The following ATXN1 variants were observed in gnomAD, a reference collection of about 807,000 sequenced individuals.
The protein encoded by ATXN1 is ataxin 1.
ATXN1 carries 8 observed loss-of-function variants against 56.4 expected under a neutral mutation model. The ratio of observed to expected loss-of-function variants is 0.14; its 90% CI spans 0.08 to 0.26. The LOEUF is 0.26. Among genes scored for constraint, ATXN1 ranks in the 10% least tolerant of loss-of-function variants. The pLI is 1.00. For missense variants in ATXN1, 987 were observed against 1,106.5 expected, an observed-to-expected ratio of 0.89 and a Z score of 1.53; for synonymous variants, 514 against 494.6, an observed-to-expected ratio of 1.04 and a Z score of -0.52.
At chr6:16,574,563 T>C (rs2113753874) in intron 4 of ATXN1, among the ~76,000 whole-genome samples, 1 of 152,320 alleles carries the variant, frequency 6.6e-6, no homozygotes, top group East Asian at 1.9e-4. Context: ...CAGTCTGGTC[T>C]CGATCTCCTG....
At chr6:16,547,024 G>A (rs535874408) in intron 4 of ATXN1, among the ~76,000 whole-genome samples, 3 of 152,194 alleles carry the variant, frequency 2.0e-5, no homozygotes, top group Admixed American at 6.5e-5. Flanking sequence ...TTCAGAGAAA[G>A]AACAGGCAAG....
At chr6:16,318,780 C>A (rs1760575253) in intron 7 of ATXN1, among the ~76,000 whole-genome samples, 1 of 152,198 alleles carries the variant, frequency 6.6e-6, no homozygotes, top group South Asian at 2.1e-4. Context: ...GCTCACAGAG[C>A]TCCCTTGTGG....
intron 6 of ATXN1, among the ~76,000 whole-genome samples, chr6:16,383,832 T>C (rs767575164): frequency 1.3e-5 from 2 of 152,208 alleles, no homozygotes; most frequent in African/African-American, 2.4e-5. Context: ...GAAAAGGTCA[T>C]GAATGTAGTG....
chr6:16,667,921 G>A (rs1220493468), intron 2 of ATXN1, among the ~76,000 whole-genome samples: 1 of 152,064 alleles, frequency 6.6e-6, no homozygotes, highest in African/African-American at 2.4e-5. Flanking sequence ...TATAACCACT[G>A]CAGCTCACTC....
chr6:16,636,822 C>T (rs1483554561), intron 3 of ATXN1, among the ~76,000 whole-genome samples: 3 of 152,068 alleles, frequency 2.0e-5, no homozygotes, highest in Admixed American at 1.3e-4. Flanking sequence ...CACCTAACGA[C>T]GGCCTGGGAA....
At chr6:16,581,226 C>CGCGTGTGTGTGTGTGT (rs1561765357) in intron 4 of ATXN1, among the ~76,000 whole-genome samples, 1 of 127,860 alleles carries the variant, frequency 7.8e-6, no homozygotes, top group Non-Finnish European at 1.6e-5. Context: ...TGTGTGTGTG[C>CGCGTGTGTGTGTGTGT]GCGCGTGTGT....
chr6:16,453,819 A>G (rs1393441058), intron 6 of ATXN1, among the ~76,000 whole-genome samples: 2 of 152,204 alleles, frequency 1.3e-5, no homozygotes, highest in Non-Finnish European at 2.9e-5. Flanking sequence ...AGGATTAAGT[A>G]ACATGCTTGA....
chr6:16,515,762 T>C (rs556681576), intron 5 of ATXN1, among the ~76,000 whole-genome samples: 1 of 152,270 alleles, frequency 6.6e-6, no homozygotes, highest in East Asian at 1.9e-4. Context: ...AGCTGAATTG[T>C]GGTCTGTTCA....
At position 16,628,419 on chromosome 6, in the gene ATXN1, T is replaced by C. The variant is rs567317160; in HGVS notation, c.-489+29357A>G. On this transcript the variant is annotated intron_variant, in intron 3 of 7. Coordinates refer to ENST00000436367, the MANE Select transcript of ATXN1 (RefSeq NM_001128164.2). ...GAATACTAATTAGCAAAACCATATT[T>C]CACACACAAACAAATGCATTAGGAT... Among the ~76,000 whole-genome samples the C allele has an allele frequency of 1.4e-3, 211 of 152,348 alleles. 1 individual carries two copies. Among genetic ancestry groups the C allele is most frequent in the Non-Finnish European group, 1.5e-3 (103 of 68,034 alleles).
intron 2 of ATXN1, among the ~76,000 whole-genome samples, chr6:16,695,470 G>A (rs1011590400): frequency 6.6e-6 from 1 of 152,152 alleles, no homozygotes; most frequent in Admixed American, 6.5e-5. Flanking sequence ...AGAAGCTGAA[G>A]ATGAACAGGT....
At chr6:16,737,570 T>G (rs1479045285) in intron 2 of ATXN1, 2 of 152,216 alleles carry the variant, frequency 1.3e-5, no homozygotes, top group Non-Finnish European at 2.9e-5. Flanking sequence ...CTAATCTCAT[T>G]AGCAGGAGAA....
intron 6 of ATXN1, chr6:16,485,433 G>A (rs1760525575): frequency 6.6e-6 from 1 of 152,150 alleles, no homozygotes; most frequent in Non-Finnish European, 1.5e-5. Context: ...CAGTAAATCA[G>A]CTCATTTTAA....
At chr6:16,736,223 T>A (rs1037465757) in intron 2 of ATXN1, among the ~76,000 whole-genome samples, 16 of 152,216 alleles carry the variant, frequency 1.1e-4, no homozygotes, top group African/African-American at 3.9e-4. Context: ...ATTATCAAAG[T>A]ATTAAGAATA....
chr6:16,716,038 T>C (rs991817421), intron 2 of ATXN1, among the ~76,000 whole-genome samples: 67 of 152,142 alleles, frequency 4.4e-4, no homozygotes, highest in Admixed American at 3.3e-4. Flanking sequence ...TATGGAGCCA[T>C]TCCTGACAAC....
intron 4 of ATXN1, among the ~76,000 whole-genome samples, chr6:16,556,217 G>GA (rs147713104): frequency 6.6e-6 from 1 of 151,982 alleles, no homozygotes; most frequent in Non-Finnish European, 1.5e-5. Context: ...ATATTTTGGG[G>GA]AAAAAAACTA....
chr6:16,327,055 C>T lies in ATXN1; in HGVS notation c.1256G>A (p.Gly419Glu), dbSNP rs1296389938. Reference sequence around the variant, plus strand: ...CGCGTAGGACCGGTGGCCAGGCTTCCCTAAATGCAGGCCACTTTTGTCGTT... The same window carrying T: ...CGCGTAGGACCGGTGGCCAGGCTTCTCTAAATGCAGGCCACTTTTGTCGTT... ...TLNDKSGLHL[G>E]KPGHRSYALS... The change falls in exon 7 of 8, where the codon GGG becomes GAG. Residue 419 changes from glycine (G) to glutamate (E), a missense_variant. Gly to Glu is a moderately conservative substitution (Grantham distance 98). Transcript: ENST00000436367. The T allele has an allele frequency of 1.2e-6, 2 of 1,613,978 alleles. No homozygotes were observed. Among genetic ancestry groups the T allele is most frequent in the South Asian group, 1.1e-5 (1 of 91,080 alleles).
intron 5 of ATXN1, among the ~76,000 whole-genome samples, chr6:16,521,776 A>G (rs1382606936): frequency 2.0e-5 from 3 of 152,214 alleles, no homozygotes; most frequent in East Asian, 3.9e-4. Context: ...GTCTCAGCAC[A>G]TGACAACGTG....
chr6:16,619,830 C>T (rs985615943), intron 3 of ATXN1, among the ~76,000 whole-genome samples: 6 of 151,430 alleles, frequency 4.0e-5, no homozygotes, highest in Non-Finnish European at 7.4e-5. Context: ...ATCGCTTGAG[C>T]CCAGGAGTTG....
At chr6:16,467,429 T>TTA (rs1285546514) in intron 6 of ATXN1, among the ~76,000 whole-genome samples, 1 of 152,218 alleles carries the variant, frequency 6.6e-6, no homozygotes, top group African/African-American at 2.4e-5. Flanking sequence ...GTGTCAGGTT[T>TTA]TACTGTTTGG....
Sources: allele counts gnomAD v4.1 joint callset (sites outside exome capture counted in the v4.1 genomes callset), GRCh38; gene constraint gnomAD v4.1.1; transcripts MANE v1.5; gene names NCBI Gene and HGNC (gene_info 2026-07-23, HGNC 2026-07-21).